Variants in MYO16 observed in about 807,000 individuals in gnomAD.
MYO16 encodes unconventional myosin-XVI.
MYO16 carries 94 observed loss-of-function variants against 205.3 expected under a neutral mutation model. The ratio of observed to expected loss-of-function variants is 0.46; its 90% CI spans 0.39 to 0.54. The LOEUF is 0.54. MYO16 is among the 20% of genes least tolerant of loss of function. The pLI, the probability that MYO16 is intolerant of heterozygous loss-of-function variation, is 0.00. For missense variants in MYO16, 2,315 were observed against 2,387.5 expected (o/e 0.97, Z 0.63); for synonymous variants, 988 against 954.0 (o/e 1.04, Z -0.66).
intron 27 of MYO16, among the ~76,000 whole-genome samples, chr13:109,067,594 G>T (rs1887792698): frequency 6.6e-6 from 1 of 152,182 alleles, no homozygotes; most frequent in Non-Finnish European, 1.5e-5. Flanking sequence ...AATTGCACAG[G>T]CACATCAGGA....
Position 108,712,716 on chromosome 13 carries a change from G to T in MYO16, c.348G>T (p.Gly116=), listed in dbSNP as rs769013062. ...ADPHTLVSSG[G]SLLHLCARYD... ...CCCACACCCTCGTCTCCTCGGGAGG[G>T]TCCCTGCTCCATCTGGTAAGAACCG... The change falls in exon 3 of 35, where the codon GGG becomes GGT. Residue 116 remains glycine (G), a synonymous_variant. Transcript: ENST00000457511. The T allele has an allele frequency of 1.9e-6, 3 of 1,613,188 alleles. No homozygotes were observed. Among genetic ancestry groups the T allele is most frequent in the East Asian group, 2.2e-5 (1 of 44,862 alleles).
intron 12 of MYO16, among the ~76,000 whole-genome samples, chr13:108,869,049 G>A (rs914884516): frequency 3.3e-5 from 5 of 152,050 alleles, no homozygotes; most frequent in Non-Finnish European, 5.9e-5. Context: ...TTTATGCCTC[G>A]TACTCTTAAG....
chr13:109,041,965 A>G (rs1416706450), intron 23 of MYO16, among the ~76,000 whole-genome samples: 1 of 151,746 alleles, frequency 6.6e-6, no homozygotes, highest in Non-Finnish European at 1.5e-5. Context: ...CCTGGGTTCA[A>G]GCGATTCTCC....
At chr13:108,524,151 T>C in the MYO16 span, among the ~76,000 whole-genome samples, 2 of 151,648 alleles carry the variant, frequency 1.3e-5, no homozygotes, top group Non-Finnish European at 2.9e-5. Flanking sequence ...ACAAAAAAAA[T>C]TAGCCTGGGG....
chr13:108,927,857 G>A (rs9521102), intron 16 of MYO16, among the ~76,000 whole-genome samples: 46,090 of 152,142 alleles, frequency 0.3, 7,896 homozygotes, highest in East Asian at 0.42. Context: ...CGGAGTGCCC[G>A]AGGTCACCGG....
chr13:108,991,915 G>C (rs890397092), intron 20 of MYO16, among the ~76,000 whole-genome samples: 1 of 151,976 alleles, frequency 6.6e-6, no homozygotes, highest in Non-Finnish European at 1.5e-5. Context: ...GGTTTTTTTG[G>C]CCTCAAATTC....
intron 4 of MYO16, among the ~76,000 whole-genome samples, chr13:108,782,453 A>G (rs1172866190): frequency 6.6e-6 from 1 of 152,210 alleles, no homozygotes; most frequent in African/African-American, 2.4e-5. Flanking sequence ...TTTAAAAGGG[A>G]AACAGCATAA....
the MYO16 span, among the ~76,000 whole-genome samples, chr13:108,564,494 G>C: frequency 1.3e-5 from 2 of 152,042 alleles, no homozygotes; most frequent in Non-Finnish European, 2.9e-5. Flanking sequence ...AAAATCAGAT[G>C]ATTAGATTTG....
At chr13:109,050,484 A>G (rs2139601478) in intron 24 of MYO16, among the ~76,000 whole-genome samples, 1 of 152,276 alleles carries the variant, frequency 6.6e-6, no homozygotes, top group South Asian at 2.1e-4. Flanking sequence ...TTTCTAACAT[A>G]AAGCTTGCTG....
At chr13:109,130,220 T>C (rs9521184) in intron 31 of MYO16, among the ~76,000 whole-genome samples, 64,291 of 152,064 alleles carry the variant, frequency 0.42, 14,557 homozygotes, top group Non-Finnish European at 0.51. Context: ...TTTAGTTTCT[T>C]GGATCCTAAT....
intron 31 of MYO16, among the ~76,000 whole-genome samples, chr13:109,133,550 C>G (rs1876637003): frequency 6.6e-6 from 1 of 152,154 alleles, no homozygotes; most frequent in Non-Finnish European, 1.5e-5. Context: ...CCGTATCATT[C>G]TGCAGCAGTT....
chr13:108,593,514 A>T (rs1284847307), upstream of MYO16, among the ~76,000 whole-genome samples: 1 of 152,156 alleles, frequency 6.6e-6, no homozygotes, highest in Non-Finnish European at 1.5e-5. Context: ...TCAGAGTATG[A>T]AGCCCCACGG....
chr13:108,823,078 TATC>T, intron 8 of MYO16, 44 bp from the exon 9 acceptor site: 1 of 1,515,498 alleles, frequency 6.6e-7, no homozygotes, highest in Non-Finnish European at 9.0e-7. Context: ...ATTTATGTGC[TATC>T]ACCACCCATC....
At chr13:108,510,107 G>A in the MYO16 span, among the ~76,000 whole-genome samples, 1 of 152,064 alleles carries the variant, frequency 6.6e-6, no homozygotes, top group Non-Finnish European at 1.5e-5. Context: ...TTTATTTTTT[G>A]TTTGTTTGTT....
intron 16 of MYO16, among the ~76,000 whole-genome samples, chr13:108,927,225 G>A (rs1882048113): frequency 6.6e-6 from 1 of 152,172 alleles, no homozygotes; most frequent in Non-Finnish European, 1.5e-5. Context: ...ATTCTCCTAA[G>A]TGAGATGGTG....
At chr13:108,872,192 G>A (rs1381647162) in intron 12 of MYO16, among the ~76,000 whole-genome samples, 1 of 152,206 alleles carries the variant, frequency 6.6e-6, no homozygotes, top group Non-Finnish European at 1.5e-5. Context: ...ACAGTTGATT[G>A]TAGAGTTAAC....
At chr13:108,722,872 GT>G (rs142668673) in intron 3 of MYO16, among the ~76,000 whole-genome samples, 2,503 of 152,248 alleles carry the variant, frequency 0.016, 65 homozygotes, top group African/African-American at 0.056. Context: ...TCTAGTGACA[GT>G]TTTTTTATTG....
intron 34 of MYO16, among the ~76,000 whole-genome samples, chr13:109,180,011 G>A (rs1408472262): frequency 6.6e-6 from 1 of 152,022 alleles, no homozygotes; most frequent in Non-Finnish European, 1.5e-5. Context: ...CCACACCTGG[G>A]AATAAAATGC....
At chr13:108,574,670 TG>T in the MYO16 span, among the ~76,000 whole-genome samples, 3 of 5,958 alleles carry the variant, frequency 5.0e-4, no homozygotes, top group East Asian at 0.029. Flanking sequence ...AATAACAATT[TG>T]TGTGTGTGTG....
Sources: allele counts gnomAD v4.1 joint callset (sites outside exome capture counted in the v4.1 genomes callset), GRCh38; gene constraint gnomAD v4.1.1; transcripts MANE v1.5; gene names NCBI Gene and HGNC (gene_info 2026-07-23, HGNC 2026-07-21).